Variants in ASIC2 observed in about 807,000 individuals in gnomAD.
ASIC2 encodes the protein acid-sensing ion channel 2.
In ASIC2, 25 loss-of-function variants were observed where a neutral mutation model predicts 57.3. The ratio of observed to expected loss-of-function variants is 0.44; its 90% CI spans 0.32 to 0.61. ASIC2 has a LOEUF of 0.61. Among genes scored for constraint, ASIC2 ranks in the 20% least tolerant of loss-of-function variants. The pLI is 0.06. For missense variants in ASIC2, 641 were observed against 738.1 expected, an observed-to-expected ratio of 0.87 and a Z score of 1.52; for synonymous variants, 319 against 307.5, an observed-to-expected ratio of 1.04 and a Z score of -0.39.
intron 1 of ASIC2, among the ~76,000 whole-genome samples, chr17:33,866,627 G>T (rs1176583743): frequency 6.6e-6 from 1 of 152,102 alleles, no homozygotes; most frequent in East Asian, 1.9e-4. Flanking sequence ...TCTTTCATCT[G>T]TGTTTGACTC....
chr17:33,396,283 A>G (rs796110119), intron 1 of ASIC2, among the ~76,000 whole-genome samples: 47 of 152,330 alleles, frequency 3.1e-4, no homozygotes, highest in African/African-American at 1.1e-3. Context: ...GGCTTCTGCT[A>G]AATAGAAAAT....
chr17:33,791,355 A>T (rs567956619), intron 1 of ASIC2, among the ~76,000 whole-genome samples: 1 of 152,208 alleles, frequency 6.6e-6, no homozygotes, highest in Non-Finnish European at 1.5e-5. Context: ...GATATGGAGA[A>T]GCATCAGGGT....
Position 33,064,894 on chromosome 17 carries a change from A to C in ASIC2, c.987+23969T>G, listed in dbSNP as rs185899606. Among the ~76,000 whole-genome samples the C allele has an allele frequency of 4.9e-4, 74 of 152,314 alleles. 1 individual carries two copies. The East Asian group carries it at 8.5e-3, about 17-fold the overall frequency. On this transcript the variant is annotated intron_variant, in intron 3 of 9. Transcript: ENST00000225823. Reference sequence around the variant, plus strand: ...GTGTTTTCCAAGTTTACAGTCATGCACATGCAGAGCTTCTGAAATGGAAAG... The same window carrying C: ...GTGTTTTCCAAGTTTACAGTCATGCCCATGCAGAGCTTCTGAAATGGAAAG...
intron 1 of ASIC2, among the ~76,000 whole-genome samples, chr17:33,833,127 A>G (rs1913165011): frequency 6.6e-6 from 1 of 152,216 alleles, no homozygotes. Context: ...GGGAGGCTGC[A>G]TTGGAAATAC....
At chr17:33,753,913 G>A (rs553940559) in intron 1 of ASIC2, among the ~76,000 whole-genome samples, 99 of 152,276 alleles carry the variant, frequency 6.5e-4, no homozygotes, top group African/African-American at 2.2e-3. Flanking sequence ...CTCATCAATT[G>A]TAACAGATAT....
chr17:33,118,550 G>A lies in ASIC2; in HGVS notation c.709-6483C>T, dbSNP rs114658274. The stretch of plus-strand genomic sequence containing the variant: ...TACTTTGTTCCTGGCAGACTAGTGA[G>A]GCTGGTGCTTTGCTGACATTAGAGC... On this transcript the variant is annotated intron_variant, in intron 1 of 9. Coordinates refer to ENST00000225823, the MANE Select transcript of ASIC2 (RefSeq NM_183377.2). 3.9e-3 allele frequency among the ~76,000 whole-genome samples: 590 copies of A among 152,256 alleles called. 1 individual carries two copies. The highest frequency in any genetic ancestry group is 0.014 in the African/African-American group (570 of 41,538).
chr17:33,746,501 C>CAT (rs997326906), intron 1 of ASIC2, among the ~76,000 whole-genome samples: 1 of 150,128 alleles, frequency 6.7e-6, no homozygotes, highest in Non-Finnish European at 1.5e-5. Flanking sequence ...TGTATATATA[C>CAT]ATATATGTGT....
intron 1 of ASIC2, among the ~76,000 whole-genome samples, chr17:33,733,777 T>C (rs547126377): frequency 1.3e-5 from 2 of 152,320 alleles, no homozygotes; most frequent in African/African-American, 4.8e-5. Context: ...GTAGTTACCC[T>C]CGCTCCCGTT....
intron 1 of ASIC2, among the ~76,000 whole-genome samples, chr17:33,165,546 G>GT (rs935392405): frequency 1.3e-5 from 2 of 152,040 alleles, no homozygotes; most frequent in African/African-American, 4.8e-5. Flanking sequence ...TTTGTTGAGA[G>GT]GGGGTTTGTT....
intron 1 of ASIC2, among the ~76,000 whole-genome samples, chr17:33,128,677 T>C (rs773141771): frequency 1.3e-5 from 2 of 152,148 alleles, no homozygotes; most frequent in Non-Finnish European, 2.9e-5. Flanking sequence ...GGATTTGGGG[T>C]ACCCCTGGGG....
intron 1 of ASIC2, among the ~76,000 whole-genome samples, chr17:34,033,780 T>C (rs8075230): frequency 0.52 from 78,694 of 152,014 alleles, 23,277 homozygotes; most frequent in African/African-American, 0.82. Flanking sequence ...TGGATAAATT[T>C]CTTGACACAT....
At chr17:33,386,691 C>A (rs1909691796) in intron 1 of ASIC2, among the ~76,000 whole-genome samples, 1 of 152,164 alleles carries the variant, frequency 6.6e-6, no homozygotes, top group Non-Finnish European at 1.5e-5. Flanking sequence ...TGGTTTTTAA[C>A]CTAAGAGCAA....
At chr17:33,358,270 G>A (rs1159762374) in intron 1 of ASIC2, among the ~76,000 whole-genome samples, 1 of 152,214 alleles carries the variant, frequency 6.6e-6, no homozygotes, top group Non-Finnish European at 1.5e-5. Flanking sequence ...AAGAATAGTT[G>A]AGTCAGAGAC....
At chr17:33,220,808 C>A (rs1220621679) in intron 1 of ASIC2, among the ~76,000 whole-genome samples, 2 of 152,126 alleles carry the variant, frequency 1.3e-5, no homozygotes, top group Non-Finnish European at 2.9e-5. Flanking sequence ...TGGCTCATAC[C>A]TGTAATCCCA....
rs1190898587 is a variant in ASIC2 at position 33,536,874 on chromosome 17, C to T, written c.556-424807G>A. Among the ~76,000 whole-genome samples, 4 of 152,164 alleles carry T rather than the reference C, an allele frequency of 2.6e-5. No homozygotes were observed. The East Asian group carries it at 7.7e-4, about 29-fold the overall frequency. The stretch of plus-strand genomic sequence containing the variant: ...ATTAGCCAGGTGTGGTAGCACTCAC[C>T]TGTAGTTCCAGCTACTTGGGGCAGG... On this transcript the variant is annotated intron_variant, in intron 1 of 9. Coordinates refer to the ASIC2 transcript ENST00000359872.
intron 1 of ASIC2, among the ~76,000 whole-genome samples, chr17:33,773,173 G>C (rs555781900): frequency 6.6e-6 from 1 of 151,794 alleles, no homozygotes; most frequent in African/African-American, 2.4e-5. Flanking sequence ...AACTGCATAG[G>C]GATTGAAAAT....
chr17:33,950,574 C>G (rs1904527454), intron 1 of ASIC2, among the ~76,000 whole-genome samples: 2 of 152,162 alleles, frequency 1.3e-5, no homozygotes, highest in Admixed American at 6.5e-5. Context: ...ACCTGGAGTC[C>G]CAGCTTGCTG....
intron 1 of ASIC2, among the ~76,000 whole-genome samples, chr17:33,598,300 T>C (rs16968635): frequency 0.022 from 3,279 of 152,304 alleles, 94 homozygotes; most frequent in African/African-American, 0.071. Flanking sequence ...TTCTGAGCTC[T>C]GTGACCCTGA....
At chr17:33,238,430 A>G (rs1214994687) in intron 1 of ASIC2, among the ~76,000 whole-genome samples, 2 of 152,216 alleles carry the variant, frequency 1.3e-5, no homozygotes, top group African/African-American at 4.8e-5. Context: ...CCTCTGGGCT[A>G]TTCTTGACAT....
Sources: allele counts gnomAD v4.1 joint callset (sites outside exome capture counted in the v4.1 genomes callset), GRCh38; gene constraint gnomAD v4.1.1; transcripts MANE v1.5; gene names NCBI Gene and HGNC (gene_info 2026-07-23, HGNC 2026-07-21).